ERICH3: variants seen among roughly 807,000 people sequenced by gnomAD.
ERICH3 encodes glutamate rich 3.
A neutral mutation model predicts 131.1 loss-of-function variants in ERICH3; 126 were observed. The ratio of observed to expected loss-of-function variants is 0.96; its 90% CI spans 0.83 to 1.11. ERICH3 has a LOEUF of 1.11. ERICH3 is among the 50% of genes most tolerant of loss of function. ERICH3 has a pLI of 0.00. For synonymous variants in ERICH3, 695 were observed against 644.6 expected (o/e 1.08, Z -1.18); for missense variants, 2,050 against 1,810.7 (o/e 1.13, Z -2.40).
chr1:74,593,224 G>A (rs1419146862), intron 11 of ERICH3, among the ~76,000 whole-genome samples: 1 of 152,076 alleles, frequency 6.6e-6, no homozygotes, highest in Admixed American at 6.6e-5. Flanking sequence ...CCACAGTCAG[G>A]AGCTCTCCAG....
At chr1:74,607,066 A>T (rs183044521) in intron 9 of ERICH3, among the ~76,000 whole-genome samples, 164 bp from the exon 10 acceptor site, 1 of 152,194 alleles carries the variant, frequency 6.6e-6, no homozygotes, top group African/African-American at 2.4e-5. Flanking sequence ...AAAGCTAATT[A>T]AAAATAAACT....
In ERICH3 at chr1:74,572,877, T is replaced by C; in HGVS notation, c.2833A>G (p.Ser945Gly). The change falls in exon 14 of 15, where the codon AGT (serine) becomes GGT (glycine). Residue 945 changes from serine to glycine, a missense_variant. Ser to Gly is a moderately conservative substitution (Grantham distance 56, BLOSUM62 0). Coordinates refer to ENST00000326665, the MANE Select transcript of ERICH3 (RefSeq NM_001002912.5). ...AGGTCTATGGATGCTTCCTCTTCACTTTCTCCGACATCACTCACAGCCACC... is the reference window on the plus strand; with the variant it reads ...AGGTCTATGGATGCTTCCTCTTCACCTTCTCCGACATCACTCACAGCCACC... ...GGVAVSDVGE[S>G]EEEASIDLED... 1 of 1,613,910 alleles carries C rather than the reference T, an allele frequency of 6.2e-7. No individual in the cohort carries two copies. The highest frequency in any genetic ancestry group is 1.1e-5 in the South Asian group (1 of 91,070).
At chr1:74,600,067 T>C (rs1249320750) in intron 10 of ERICH3, 136 bp from the exon 11 acceptor site, 9 of 620,212 alleles carry the variant, frequency 1.5e-5, no homozygotes, top group Non-Finnish European at 2.2e-5. Context: ...TTCGTTCAAT[T>C]AGTGAACATG....
intron 9 of ERICH3, among the ~76,000 whole-genome samples, chr1:74,612,246 G>C (rs997185963): frequency 6.6e-6 from 1 of 152,116 alleles, no homozygotes; most frequent in Non-Finnish European, 1.5e-5. Context: ...ACACTTTAAG[G>C]CTCAGTCTAA....
chr1:74,614,632 ACGCCACTGAAC>A (rs1393941179), intron 8 of ERICH3, among the ~76,000 whole-genome samples: 2 of 150,920 alleles, frequency 1.3e-5, no homozygotes, highest in Non-Finnish European at 2.9e-5. Context: ...AGCCGAGATC[ACGCCACTGAAC>A]TCCAGCCTGG....
intron 11 of ERICH3, among the ~76,000 whole-genome samples, chr1:74,597,356 G>C (rs1338381935): frequency 6.6e-6 from 1 of 151,928 alleles, no homozygotes; most frequent in African/African-American, 2.4e-5. Context: ...ATTTCAGAAT[G>C]ACACTGTTTC....
chr1:74,592,907 A>G (rs1015272915), intron 11 of ERICH3, among the ~76,000 whole-genome samples: 1 of 152,198 alleles, frequency 6.6e-6, no homozygotes, highest in Non-Finnish European at 1.5e-5. Context: ...TTTCAAAACT[A>G]ATTTTATTTA....
intron 1 of ERICH3, among the ~76,000 whole-genome samples, chr1:74,651,111 G>A (rs1020390860): frequency 2.6e-5 from 4 of 151,888 alleles, no homozygotes; most frequent in African/African-American, 9.7e-5. Flanking sequence ...ATCAGAGCAG[G>A]GACTCATATT....
At chr1:74,664,325 C>T (rs1351299623) in intron 1 of ERICH3, among the ~76,000 whole-genome samples, 1 of 142,680 alleles carries the variant, frequency 7.0e-6, no homozygotes, top group African/African-American at 2.6e-5. Flanking sequence ...AAAAAAAAAA[C>T]TTGTATCCCT....
chr1:74,626,079 T>C (rs1649405522), intron 7 of ERICH3: 1 of 152,202 alleles, frequency 6.6e-6, no homozygotes, highest in African/African-American at 2.4e-5. Context: ...AAATAAAATA[T>C]ATTAAAGTCT....
At chr1:74,634,654 A>G in intron 6 of ERICH3, 2 of 714,776 alleles carry the variant, frequency 2.8e-6, no homozygotes, top group Non-Finnish European at 2.6e-6. Flanking sequence ...CTTAAAAAAT[A>G]ATATAATCAC....
At chr1:74,583,478 T>C (rs1647215296) in intron 12 of ERICH3, among the ~76,000 whole-genome samples, 1 of 152,094 alleles carries the variant, frequency 6.6e-6, no homozygotes, top group Non-Finnish European at 1.5e-5. Context: ...ATGTGGTCTC[T>C]TTCTCTCTCT....
At chr1:74,649,551 T>A (rs1646514415) in intron 1 of ERICH3, among the ~76,000 whole-genome samples, 1 of 152,018 alleles carries the variant, frequency 6.6e-6, no homozygotes. Flanking sequence ...AAATCACACA[T>A]CAACAAGTAA....
At chr1:74,614,367 T>TAA (rs58516429) in intron 8 of ERICH3, among the ~76,000 whole-genome samples, 5,354 of 114,866 alleles carry the variant, frequency 0.047, 178 homozygotes, top group African/African-American at 0.094. Flanking sequence ...ATTTTTTCCC[T>TAA]AAAAAAAAAA....
At chr1:74,630,695 GC>G (rs1041650717) in intron 7 of ERICH3, among the ~76,000 whole-genome samples, 5 of 152,002 alleles carry the variant, frequency 3.3e-5, no homozygotes, top group African/African-American at 1.2e-4. Flanking sequence ...TTTATCTAAG[GC>G]CTGGATATGT....
chr1:74,657,501 T>C (rs548901545), intron 1 of ERICH3, among the ~76,000 whole-genome samples: 9 of 152,328 alleles, frequency 5.9e-5, no homozygotes, highest in Non-Finnish European at 1.2e-4. Flanking sequence ...TTATATTACA[T>C]TCTTCATTCT....
Position 74,636,314 on chromosome 1 carries a change from G to A in ERICH3, c.569C>T (p.Ser190Leu). The change falls in exon 6 of 15, where the codon TCA (serine) becomes TTA (leucine). Residue 190 changes from serine to leucine, a missense_variant. By Grantham distance (145) the Ser-to-Leu change is moderately radical. Transcript: ENST00000326665. ...KVTSRSRSKTSLLENEALFPI... is the reference protein window; with the variant it reads ...KVTSRSRSKTLLLENEALFPI... ...AAACAGAGCTTCATTTTCCAGCAAT[G>A]AGGTTTTTGATCTGGACCTTGAAGT... The A allele has an allele frequency of 6.2e-7, 1 of 1,609,662 alleles. No individual in the cohort carries two copies. Among genetic ancestry groups the A allele is most frequent in the Non-Finnish European group, 8.5e-7 (1 of 1,177,460 alleles).
At chr1:74,587,061 C>T (rs1185566242) in intron 12 of ERICH3, among the ~76,000 whole-genome samples, 6 of 152,102 alleles carry the variant, frequency 3.9e-5, no homozygotes, top group Non-Finnish European at 8.8e-5. Context: ...CATGGTGGCT[C>T]ATGCCTGTAA....
chr1:74,651,602 A>C (rs1646535496), intron 1 of ERICH3, among the ~76,000 whole-genome samples: 1 of 152,136 alleles, frequency 6.6e-6, no homozygotes, highest in South Asian at 2.1e-4. Flanking sequence ...GGTGTCTCTC[A>C]GTCCTAACAA....
Sources: gnomAD v4.1 joint callset for allele counts (sites outside exome capture counted in the v4.1 genomes callset) on GRCh38, gnomAD v4.1.1 for gene constraint, MANE v1.5 for transcripts, NCBI Gene and HGNC (gene_info 2026-07-23, HGNC 2026-07-21) for gene names.